Variants in ZNF671 observed in about 807,000 individuals in gnomAD.
ZNF671 encodes zinc finger protein 671, also known as hypothetical protein FLJ23506.
In ZNF671, 19 loss-of-function variants were observed where a neutral mutation model predicts 16.6. That is an observed-to-expected ratio of 1.14 (90% CI 0.80 to 1.68). The LOEUF (loss-of-function observed/expected upper bound fraction) is 1.68. ZNF671 is among the 40% of genes most tolerant of loss of function. The pLI is 0.00. For missense variants in ZNF671, 637 were observed against 659.8 expected, an observed-to-expected ratio of 0.97 and a Z score of 0.38; for synonymous variants, 238 against 236.3, an observed-to-expected ratio of 1.01 and a Z score of -0.06.
chr19:57,722,247 T>C (rs1389453097), intron 3 of ZNF671, 69 bp downstream of exon 3: 2 of 1,596,566 alleles, frequency 1.3e-6, no homozygotes, highest in Admixed American at 1.7e-5. Flanking sequence ...CAAACACTGA[T>C]GTGAACAGTT....
intron 1 of ZNF671, 67 bp downstream of exon 1, chr19:57,727,324 C>A: frequency 1.3e-6 from 2 of 1,527,786 alleles, no homozygotes; most frequent in South Asian, 2.5e-5. Flanking sequence ...GACACAGGGG[C>A]TGCAGGCACT....
Position 57,727,453 on chromosome 19 carries a change from G to A in ZNF671, c.76C>T (p.Leu26=). ...GCGCGGACAGCTGCCGGGAGCGGCAGGCGTCTCGATCGGGGACGCAGGCAC... is the reference window on the plus strand; with the variant it reads ...GCGCGGACAGCTGCCGGGAGCGGCAAGCGTCTCGATCGGGGACGCAGGCAC... The part of the protein sequence containing the change: ...RKCLRPRSRR[L]PLPAAVRAHG... The change falls in exon 1 of 4, where the codon CTG becomes TTG. Residue 26 remains leucine (L), a synonymous_variant. Coordinates refer to ENST00000317398, the MANE Select transcript of ZNF671 (RefSeq NM_024833.3). 1.2e-6 allele frequency: 2 copies of A among 1,612,948 alleles called. No homozygotes were observed. Among genetic ancestry groups the A allele is most frequent in the Non-Finnish European group, 1.7e-6 (2 of 1,179,688 alleles).
rs1352029640 is a variant in ZNF671, at chr19:57,720,646, C to T, written c.1440G>A (p.Glu480=). The change falls in exon 4 of 4, where the codon GAG becomes GAA. Residue 480 remains glutamate, a synonymous_variant. Transcript: ENST00000317398. ...TGAAGGCTTTCCCGCACTTGCTGCA[C>T]TCATAAGGCTTTTCTCCAGAGTGAA... ...QKVHSGEKPY[E]CSKCGKAFTQ... The T allele has an allele frequency of 3.7e-6, 6 of 1,614,200 alleles. No homozygotes were observed. The East Asian group carries it at 6.7e-5, about 18-fold the overall frequency.
intron 1 of ZNF671, among the ~76,000 whole-genome samples, chr19:57,726,501 G>C (rs1986054203): frequency 6.6e-6 from 1 of 151,604 alleles, no homozygotes; most frequent in African/African-American, 2.4e-5. Context: ...CTTCTCTTCT[G>C]GGGGGAGTCT....
intron 1 of ZNF671, among the ~76,000 whole-genome samples, chr19:57,725,928 G>C (rs1308835497): frequency 6.8e-6 from 1 of 147,964 alleles, no homozygotes; most frequent in African/African-American, 2.5e-5. Flanking sequence ...AGCGAGACTC[G>C]TCTCCAAAAA....
intron 2 of ZNF671, among the ~76,000 whole-genome samples, chr19:57,722,749 G>T (rs1368185419): frequency 6.6e-6 from 1 of 152,120 alleles, no homozygotes; most frequent in African/African-American, 2.4e-5. Context: ...AGAAAAATTA[G>T]CTGGGCGTGG....
rs1186842961 is a variant in ZNF671 at position 57,719,922 on chromosome 19, A to C, written c.*559T>G. 6.4e-6 allele frequency: 1 copy of C among 157,030 alleles called. No homozygotes were observed. The highest frequency in any genetic ancestry group is 1.4e-5 in the Non-Finnish European group (1 of 70,692). The allele number at this position is 157,030 out of a possible 1,614,324, so 9.7% of individuals were successfully genotyped here. On this transcript the variant is annotated 3_prime_UTR_variant, in exon 4 of 4. Transcript: ENST00000317398. ...AATCCTTCTGTGTCCTCTTGAACAA[A>C]GCTGATTATTTCCATGCCATTTACA... is the stretch of plus-strand genomic sequence containing the variant.
chr19:57,720,758 T>G lies in ZNF671; in HGVS notation c.1328A>C (p.His443Pro). 1 of 1,614,258 alleles carries G rather than the reference T, an allele frequency of 6.2e-7. No individual in the cohort carries two copies. The highest frequency in any genetic ancestry group is 8.5e-7 in the Non-Finnish European group (1 of 1,180,044). Residue 443 changes from histidine to proline, a missense_variant, in exon 4 of 4, where the codon CAC becomes CCC. Physicochemically the swap from His to Pro is moderately conservative, Grantham distance 77. Coordinates refer to ENST00000317398, the MANE Select transcript of ZNF671 (RefSeq NM_024833.3). ...AFSQSSHLNV[H>P]WRIHSSDYEC... ...ATAATCACTGCTGTGAATTCTCCAG[T>G]GTACATTAAGGTGGGAGCTTTGGCT... is the stretch of plus-strand genomic sequence containing the variant.
At chr19:57,724,305 A>G (rs188738369) in intron 1 of ZNF671, among the ~76,000 whole-genome samples, 3 of 152,234 alleles carry the variant, frequency 2.0e-5, no homozygotes, top group Non-Finnish European at 4.4e-5. Flanking sequence ...TTGAAATGCA[A>G]CCCCTAGTGC....
In ZNF671 at chr19:57,721,619, G is replaced by T. The variant is rs184468543; in HGVS notation, c.467C>A (p.Thr156Asn). 10 of 1,614,082 alleles carry T rather than the reference G, an allele frequency of 6.2e-6. No individual in the cohort carries two copies. In the African/African-American group the frequency reaches 9.3e-5, roughly 15 times the overall value. ...GTGAGACTCCAGCTCTGCCATGAGAGTCCTGACCTCTGACACTCCTGCTAC... is the reference window on the plus strand; with the variant it reads ...GTGAGACTCCAGCTCTGCCATGAGATTCCTGACCTCTGACACTCCTGCTAC... ...IFVAGVSEVR[T>N]LMAELESHPC... The change falls in exon 4 of 4, where the codon ACT (threonine) becomes AAT (asparagine). Residue 156 changes from threonine (T) to asparagine (N), a missense_variant. Physicochemically the swap from Thr to Asn is moderately conservative, Grantham distance 65 (BLOSUM62 0). Coordinates refer to ENST00000317398, the MANE Select transcript of ZNF671 (RefSeq NM_024833.3).
At position 57,727,545 on chromosome 19, in the gene ZNF671, C is replaced by G. The variant is rs1363349596; in HGVS notation, c.-17G>C. 3 of 1,588,706 alleles carry G rather than the reference C, an allele frequency of 1.9e-6. No homozygotes were observed. Among genetic ancestry groups the G allele is most frequent in the East Asian group, 2.3e-5 (1 of 43,882 alleles). ...GGACAACATCTCCTCCGCGCTTTCC[C>G]AACACCTCCACCTGCGGCCCACACA... On this transcript the variant is annotated 5_prime_UTR_variant, in exon 1 of 4. Coordinates refer to ENST00000317398, the MANE Select transcript of ZNF671 (RefSeq NM_024833.3).
Position 57,722,327 on chromosome 19 carries a change from C to G in ZNF671, c.377G>C (p.Gly126Ala), listed in dbSNP as rs376699637. The stretch of plus-strand genomic sequence containing the variant: ...CGATGTCCACTCACCAGGTCTAAGT[C>G]CCCTCTGGGCCTCTCTTTCTGTGGC... The part of the protein sequence containing the change: ...TSATEREAQR[G>A]LRPGCWHGVE... Residue 126 changes from glycine to alanine, a missense_variant, in exon 3 of 4, where the codon GGA (glycine) becomes GCA (alanine). Gly to Ala is a moderately conservative substitution (Grantham distance 60). Coordinates refer to ENST00000317398, the MANE Select transcript of ZNF671 (RefSeq NM_024833.3). The G allele has an allele frequency of 2.3e-5, 37 of 1,613,974 alleles. No homozygotes were observed. The highest frequency in any genetic ancestry group is 3.0e-5 in the Non-Finnish European group (35 of 1,180,006).
At position 57,723,083 on chromosome 19, in the gene ZNF671, G is replaced by C. The variant is rs1013155234; in HGVS notation, c.265+131C>G. 25 of 1,264,016 alleles carry C rather than the reference G, an allele frequency of 2.0e-5. No homozygotes were observed. The Admixed American group carries it at 3.8e-4, about 19-fold the overall frequency. 78.3% of individuals were successfully genotyped at this position (1,264,016 alleles called of 1,614,324 possible). ...GCTTCAGGACTACTCAGCAAGTAGG[G>C]AGGACACTCCATACAGCTTAGCCCT... On this transcript the variant is annotated intron_variant, in intron 2 of 3. Coordinates refer to ENST00000317398, the MANE Select transcript of ZNF671 (RefSeq NM_024833.3).
Position 57,721,656 on chromosome 19 carries a change from G to A in ZNF671, c.430C>T (p.Gln144Ter). 6.2e-7 allele frequency: 1 copy of A among 1,614,110 alleles called. No homozygotes were observed. Among genetic ancestry groups the A allele is most frequent in the Non-Finnish European group, 8.5e-7 (1 of 1,179,988 alleles). The change falls in exon 4 of 4, where the codon CAG becomes TAG. Residue 144 changes from glutamine (Q) to a stop codon, truncating the protein, a stop_gained. Coordinates refer to ENST00000317398, the MANE Select transcript of ZNF671 (RefSeq NM_024833.3). LOFTEE classifies it low-confidence loss of function (END_TRUNC). ...GACACTCCTGCTACAAAAATGCTCT[G>A]CTCAGAAGATACCTCTTCATCCTCC... is the stretch of plus-strand genomic sequence containing the variant. ...GVEDEEVSSE[Q>*]SIFVAGVSEV...
intron 1 of ZNF671, among the ~76,000 whole-genome samples, chr19:57,724,558 C>G (rs1426736122): frequency 6.7e-6 from 1 of 149,310 alleles, no homozygotes; most frequent in Admixed American, 6.7e-5. Context: ...CAGATTCTTG[C>G]ACTGTTGCCC....
At position 57,721,656 on chromosome 19, in the gene ZNF671, G is replaced by C. The variant is rs1245881564; in HGVS notation, c.430C>G (p.Gln144Glu). ...GVEDEEVSSE[Q>E]SIFVAGVSEV... ...GACACTCCTGCTACAAAAATGCTCTGCTCAGAAGATACCTCTTCATCCTCC... is the reference window on the plus strand; with the variant it reads ...GACACTCCTGCTACAAAAATGCTCTCCTCAGAAGATACCTCTTCATCCTCC... Residue 144 changes from glutamine to glutamate, a missense_variant, in exon 4 of 4, where the codon CAG (glutamine) becomes GAG (glutamate). By Grantham distance (29) the Gln-to-Glu change is conservative. Coordinates refer to ENST00000317398, the MANE Select transcript of ZNF671 (RefSeq NM_024833.3). The C allele has an allele frequency of 2.5e-6, 4 of 1,613,992 alleles. No homozygotes were observed. The highest frequency in any genetic ancestry group is 3.4e-6 in the Non-Finnish European group (4 of 1,179,996).
At chr19:57,724,989 T>C (rs1160937316) in intron 1 of ZNF671, among the ~76,000 whole-genome samples, 1 of 152,124 alleles carries the variant, frequency 6.6e-6, no homozygotes, top group Non-Finnish European at 1.5e-5. Flanking sequence ...CTTCTGGCCT[T>C]AGGATAATGA....
chr19:57,721,090 C>G lies in ZNF671; in HGVS notation c.996G>C (p.Gln332His), dbSNP rs1306548966. 6.2e-7 allele frequency: 1 copy of G among 1,614,196 alleles called. No individual in the cohort carries two copies. Among genetic ancestry groups the G allele is most frequent in the Non-Finnish European group, 8.5e-7 (1 of 1,180,032 alleles). ...ATGGCCTTTCTCCAGTGTGAACTGT[C>G]TGGTGTTTAAAGAGGTCATAGCTTT... is the stretch of plus-strand genomic sequence containing the variant. ...FSQSYDLFKH[Q>H]TVHTGERPYE... Residue 332 changes from glutamine to histidine, a missense_variant, in exon 4 of 4, where the codon CAG becomes CAC. Gln to His is a conservative substitution (Grantham distance 24). Transcript: ENST00000317398.
rs546864182 is a variant in ZNF671, at chr19:57,721,890, A to G, written c.389-193T>C. ...GAGGTCATACCATGGGGGAGTGCCAATGAAGGGCCAGGATATAAGAATGGA... is the reference window on the plus strand; with the variant it reads ...GAGGTCATACCATGGGGGAGTGCCAGTGAAGGGCCAGGATATAAGAATGGA... On this transcript the variant is annotated intron_variant, in intron 3 of 3. Coordinates refer to ENST00000317398, the MANE Select transcript of ZNF671 (RefSeq NM_024833.3). The G allele has an allele frequency of 2.3e-5, 17 of 733,280 alleles. No homozygotes were observed. In the East Asian group the frequency reaches 3.0e-4, roughly 13 times the overall value. 45.4% of individuals were successfully genotyped at this position (733,280 alleles called of 1,614,324 possible).
Sources: allele counts gnomAD v4.1 joint callset (sites outside exome capture counted in the v4.1 genomes callset), GRCh38; gene constraint gnomAD v4.1.1; transcripts MANE v1.5; gene names NCBI Gene and HGNC (gene_info 2026-07-23, HGNC 2026-07-21).